The following LMBRD1 variants were observed in gnomAD, a reference collection of about 807,000 sequenced individuals.
The protein encoded by LMBRD1 is lysosomal cobalamin transport escort protein LMBD1.
In LMBRD1, 64 loss-of-function variants were observed where a neutral mutation model predicts 74.8. The ratio of observed to expected loss-of-function variants is 0.86; its 90% CI spans 0.70 to 1.05. LMBRD1 has a LOEUF of 1.05. LMBRD1 is among the 50% of genes least tolerant of loss of function. The pLI is 0.00. For missense variants in LMBRD1, 652 were observed against 645.9 expected (o/e 1.01, Z -0.10); for synonymous variants, 204 against 216.3 (o/e 0.94, Z 0.50).
intron 8 of LMBRD1, among the ~76,000 whole-genome samples, chr6:69,715,315 G>A (rs190053436): frequency 1.3e-5 from 2 of 152,094 alleles, no homozygotes; most frequent in East Asian, 3.9e-4. Context: ...AAAAAAAATA[G>A]TAAACTGATT....
intron 6 of LMBRD1, among the ~76,000 whole-genome samples, chr6:69,739,445 A>G (rs1767050085): frequency 6.6e-6 from 1 of 151,814 alleles, no homozygotes; most frequent in Non-Finnish European, 1.5e-5. Context: ...CCTATTGTAA[A>G]CAAGTTGTAG....
intron 9 of LMBRD1, chr6:69,705,877 GT>G: frequency 7.4e-7 from 1 of 1,344,434 alleles, no homozygotes; most frequent in Non-Finnish European, 1.0e-6. Flanking sequence ...CACTGGTGGT[GT>G]TATTTCAAAG....
chr6:69,690,036 G>T (rs16868038), intron 14 of LMBRD1, among the ~76,000 whole-genome samples: 1 of 148,926 alleles, frequency 6.7e-6, no homozygotes, highest in African/African-American at 2.5e-5. Context: ...AATGTACTGC[G>T]AGGGTTTCAT....
At chr6:69,711,501 A>C (rs1252024886) in intron 9 of LMBRD1, among the ~76,000 whole-genome samples, 1 of 152,188 alleles carries the variant, frequency 6.6e-6, no homozygotes, top group Non-Finnish European at 1.5e-5. Flanking sequence ...TAGAGACCAG[A>C]TTATAAATAT....
At chr6:69,723,293 C>A (rs970429366) in intron 7 of LMBRD1, among the ~76,000 whole-genome samples, 1 of 152,150 alleles carries the variant, frequency 6.6e-6, no homozygotes, top group African/African-American at 2.4e-5. Context: ...AAACATCAGA[C>A]TTAACCTGCA....
chr6:69,709,234 C>CAA (rs912383726), intron 9 of LMBRD1, among the ~76,000 whole-genome samples: 1 of 126,670 alleles, frequency 7.9e-6, no homozygotes, highest in Non-Finnish European at 1.7e-5. Flanking sequence ...AACTCCATCT[C>CAA]AAAAAAAAAA....
chr6:69,744,746 T>C (rs1767180652), intron 5 of LMBRD1, among the ~76,000 whole-genome samples: 1 of 152,202 alleles, frequency 6.6e-6, no homozygotes, highest in Non-Finnish European at 1.5e-5. Flanking sequence ...TGAACTTATA[T>C]AATGGCTACT....
In LMBRD1 at chr6:69,713,718, T is replaced by C; in HGVS notation, c.842A>G (p.Lys281Arg). ...QFEERLRTLK[K>R]RERHLEFIEN... ...AATGAATTCTAAATGCCTCTCTCTC[T>C]TCTTAAGTGTTCGTAACCTTTCTTC... The change falls in exon 9 of 16, where the codon AAG becomes AGG. Residue 281 changes from lysine (K) to arginine (R), a missense_variant. Physicochemically the swap from Lys to Arg is conservative, Grantham distance 26 (BLOSUM62 2). Around this residue, in one of 3 missense-constraint regions of LMBRD1, gnomAD observed 598 missense variants for 581.8 expected, o/e 1.03. Coordinates refer to ENST00000649934, the MANE Select transcript of LMBRD1 (RefSeq NM_018368.4). 11 of 1,613,784 alleles carry C rather than the reference T, an allele frequency of 6.8e-6. No homozygotes were observed. Among genetic ancestry groups the C allele is most frequent in the Non-Finnish European group, 9.3e-6 (11 of 1,179,764 alleles).
chr6:69,711,140 A>G (rs1199760073), intron 9 of LMBRD1, among the ~76,000 whole-genome samples: 1 of 152,190 alleles, frequency 6.6e-6, no homozygotes. Context: ...TGAATAAACC[A>G]CTGGGCAAAA....
Position 69,674,868 on chromosome 6 carries a change from G to A in LMBRD1, c.*1290C>T, listed in dbSNP as rs1250246840. 2.0e-5 allele frequency among the ~76,000 whole-genome samples: 3 copies of A among 152,156 alleles called. No homozygotes were observed. The highest frequency in any genetic ancestry group is 4.8e-5 in the African/African-American group (2 of 41,436). Reference sequence around the variant, plus strand: ...CATGCCTGTAATCCCAGCTACTCAGGAGGCTGAGGCAGGAGAATTGCTTGA... The same window carrying A: ...CATGCCTGTAATCCCAGCTACTCAGAAGGCTGAGGCAGGAGAATTGCTTGA... On this transcript the variant is annotated 3_prime_UTR_variant, in exon 16 of 16. Coordinates refer to ENST00000649934, the MANE Select transcript of LMBRD1 (RefSeq NM_018368.4).
intron 8 of LMBRD1, among the ~76,000 whole-genome samples, chr6:69,718,663 A>G (rs981663447): frequency 6.6e-6 from 1 of 152,142 alleles, no homozygotes; most frequent in Non-Finnish European, 1.5e-5. Flanking sequence ...GCCTCCTTAT[A>G]AAGCCATCAA....
In LMBRD1 at chr6:69,775,008, AGGG is replaced by A. The variant is rs1562121811; in HGVS notation, c.307+5483_307+5485del. On this transcript the variant is annotated intron_variant, in intron 3 of 15. Coordinates refer to ENST00000649934, the MANE Select transcript of LMBRD1 (RefSeq NM_018368.4). ...AAGGAAGGGAGGGAGGGAGGGAGGG[AGGG>A]AGGGAGGGAGGGAGGGAGGGAGGGA... Among the ~76,000 whole-genome samples the A allele has an allele frequency of 1.4e-3, 64 of 44,786 alleles. 6 individuals carry two copies. The highest frequency in any genetic ancestry group is 2.5e-3 in the South Asian group (2 of 802). 29.4% of individuals were successfully genotyped at this position (44,786 alleles called of 152,430 possible).
chr6:69,702,295 A>G (rs1381491904), intron 9 of LMBRD1, among the ~76,000 whole-genome samples: 1 of 151,842 alleles, frequency 6.6e-6, no homozygotes, highest in Non-Finnish European at 1.5e-5. Flanking sequence ...AGACACACAC[A>G]CACACACACA....
intron 2 of LMBRD1, among the ~76,000 whole-genome samples, chr6:69,787,040 T>C (rs576637524): frequency 2.0e-5 from 3 of 152,200 alleles, no homozygotes; most frequent in Non-Finnish European, 4.4e-5. Flanking sequence ...TGTCAACTTG[T>C]ACATTCATCT....
At position 69,796,930 on chromosome 6, in the gene LMBRD1, G is replaced by T; in HGVS notation, c.-49C>A. 1.3e-6 allele frequency: 2 copies of T among 1,527,368 alleles called. No homozygotes were observed. The highest frequency in any genetic ancestry group is 1.8e-6 in the Non-Finnish European group (2 of 1,106,746). The allele number at this position is 1,527,368 out of a possible 1,614,324, so 94.6% of individuals were successfully genotyped here. On this transcript the variant is annotated 5_prime_UTR_variant, in exon 1 of 16. Coordinates refer to ENST00000649934, the MANE Select transcript of LMBRD1 (RefSeq NM_018368.4). ...CTGAGCGCCCGGGGTGGGGAAAGGG[G>T]AGGGGGAAAGGGGAGAGAGCGCGAG...
intron 2 of LMBRD1, among the ~76,000 whole-genome samples, chr6:69,783,982 TTGC>T (rs1765892824): frequency 6.6e-6 from 1 of 152,228 alleles, no homozygotes; most frequent in Non-Finnish European, 1.5e-5. Context: ...AACAGGAGTA[TTGC>T]TGTTACTATT....
At chr6:69,712,808 C>T (rs1220531201) in intron 9 of LMBRD1, among the ~76,000 whole-genome samples, 1 of 152,020 alleles carries the variant, frequency 6.6e-6, no homozygotes, top group Non-Finnish European at 1.5e-5. Flanking sequence ...AGAGGGCCTA[C>T]AGTCAACAAT....
At chr6:69,702,516 G>GA (rs1401309624) in intron 9 of LMBRD1, among the ~76,000 whole-genome samples, 1 of 151,742 alleles carries the variant, frequency 6.6e-6, no homozygotes, top group Non-Finnish European at 1.5e-5. Context: ...TGTTTCTGTG[G>GA]AAAAAATGTC....
intron 14 of LMBRD1, among the ~76,000 whole-genome samples, chr6:69,691,153 T>TTA (rs1765869804): frequency 6.6e-6 from 1 of 151,416 alleles, no homozygotes; most frequent in Non-Finnish European, 1.5e-5. Flanking sequence ...CTCTCTCTTT[T>TTA]TTTTTTTAAC....
Sources: allele counts gnomAD v4.1 joint callset (sites outside exome capture counted in the v4.1 genomes callset), GRCh38; gene constraint gnomAD v4.1.1; regional missense constraint gnomAD v4.1.1; transcripts MANE v1.5; gene names NCBI Gene and HGNC (gene_info 2026-07-23, HGNC 2026-07-21).